Variants in DIP2C observed in about 807,000 individuals in gnomAD.
DIP2C encodes the protein DIP2 acetate--CoA ligase C (putative), also known as disco-interacting protein 2 homolog C.
DIP2C carries 33 observed loss-of-function variants against 192.4 expected under a neutral mutation model. The observed-to-expected ratio is 0.17, with a 90% CI of 0.13 to 0.23. The LOEUF (loss-of-function observed/expected upper bound fraction) is 0.23. Ranked by LOEUF, DIP2C falls within the 10% of genes least tolerant of loss-of-function variation. The pLI is 1.00. For missense variants in DIP2C, 1,537 were observed against 2,110.1 expected (o/e 0.73, Z 5.32); for synonymous variants, 979 against 864.1 (o/e 1.13, Z -2.33).
chr10:324,980 T>C (rs1159333236), intron 31 of DIP2C: 2 of 531,698 alleles, frequency 3.8e-6, no homozygotes, highest in African/African-American at 3.8e-5. Context: ...TTAAAACATT[T>C]TGGGGCTGGG....
chr10:460,422 T>C (rs1050596204), intron 3 of DIP2C, among the ~76,000 whole-genome samples: 5 of 152,202 alleles, frequency 3.3e-5, no homozygotes, highest in South Asian at 2.1e-4. Context: ...AGAGAAGATA[T>C]GTACTATGAT....
intron 17 of DIP2C, among the ~76,000 whole-genome samples, chr10:378,340 AAC>A (rs760992345): frequency 1.3e-5 from 2 of 152,228 alleles, no homozygotes; most frequent in African/African-American, 2.4e-5. Flanking sequence ...CGAAGGTGAA[AAC>A]AGACACACAT....
rs192980741 is a variant in DIP2C, at chr10:364,486, C to T, written c.2365G>A (p.Val789Met). 17 of 1,614,188 alleles carry T rather than the reference C, an allele frequency of 1.1e-5. No individual in the cohort carries two copies. Among genetic ancestry groups the T allele is most frequent in the Middle Eastern group, 1.6e-4 (1 of 6,062 alleles). The change falls in exon 20 of 37, where the codon GTG (valine) becomes ATG (methionine). Residue 789 changes from valine (V) to methionine (M), a missense_variant. By Grantham distance (21) the Val-to-Met change is conservative. This residue lies in a region of DIP2C where 677 missense variants were observed against 989.9 expected (regional missense o/e 0.68). Transcript: ENST00000280886. ...ATGAGGCCATCCATCTTGCCCACCACGAAGACGAGGCCTCCGGGACCCACG... is the reference window on the plus strand; with the variant it reads ...ATGAGGCCATCCATCTTGCCCACCATGAAGACGAGGCCTCCGGGACCCACG... ...GFVGPGGLVF[V>M]VGKMDGLMVV...
chr10:575,977 C>G lies in DIP2C; in HGVS notation c.86-89447G>C, dbSNP rs141142785. On this transcript the variant is annotated intron_variant, in intron 1 of 36. Transcript: ENST00000280886. ...CACATCCCCCACCTCCTTGCAGATG[C>G]TACTCCTGCACGTGGGTGCCAGTCT... Among the ~76,000 whole-genome samples the G allele has an allele frequency of 5.8e-3, 878 of 152,318 alleles. 11 individuals are homozygous for G. Among genetic ancestry groups the G allele is most frequent in the African/African-American group, 0.02 (838 of 41,570 alleles).
At chr10:352,993 C>T (rs1159557176) in intron 24 of DIP2C, among the ~76,000 whole-genome samples, 2 of 152,284 alleles carry the variant, frequency 1.3e-5, no homozygotes, top group East Asian at 3.9e-4. Context: ...CATAAAGCAA[C>T]AACCATTCAC....
rs1332232866 is a variant in DIP2C, at chr10:666,133, G to C, written c.85+23361C>G. ...GTTCGTGGGAAAGAAGGGCTATCTG[G>C]AATAATACGAGTCCGGGTGACATAT... On this transcript the variant is annotated intron_variant, in intron 1 of 36. Coordinates refer to ENST00000280886, the MANE Select transcript of DIP2C (RefSeq NM_014974.3). This position sits in a 1 kb window ranked among gnomAD's most constrained non-coding sequence, Gnocchi z 4.1. 6.6e-6 allele frequency: 1 copy of C among 152,156 alleles called. No homozygotes were observed. The highest frequency in any genetic ancestry group is 2.4e-5 in the African/African-American group (1 of 41,430). 9.4% of individuals were successfully genotyped at this position (152,156 alleles called of 1,614,324 possible).
At chr10:472,992 A>C (rs1970753154) in intron 2 of DIP2C, among the ~76,000 whole-genome samples, 1 of 152,260 alleles carries the variant, frequency 6.6e-6, no homozygotes, top group Non-Finnish European at 1.5e-5. Flanking sequence ...ATCTTAGATA[A>C]TAATTTAACA....
At chr10:671,982 G>C (rs920420358) in intron 1 of DIP2C, among the ~76,000 whole-genome samples, 2 of 142,018 alleles carry the variant, frequency 1.4e-5, no homozygotes, top group Admixed American at 7.0e-5. Context: ...CACACGGAAG[G>C]AGGAAACAGG....
intron 1 of DIP2C, among the ~76,000 whole-genome samples, chr10:512,026 C>T (rs74505763): frequency 0.037 from 5,644 of 152,234 alleles, 145 homozygotes; most frequent in South Asian, 0.061. Context: ...CTCAGGACAC[C>T]GCACACGTTA....
At chr10:572,537 T>A (rs576110088) in intron 1 of DIP2C, among the ~76,000 whole-genome samples, 3 of 152,310 alleles carry the variant, frequency 2.0e-5, no homozygotes, top group African/African-American at 7.2e-5. Context: ...GAGGTTGTAA[T>A]GAGAAAAATA....
intron 2 of DIP2C, among the ~76,000 whole-genome samples, chr10:482,927 G>A (rs937284843): frequency 1.3e-5 from 2 of 152,230 alleles, no homozygotes; most frequent in Non-Finnish European, 2.9e-5. Context: ...TCTTCTCCCT[G>A]AAGATGATCT....
chr10:511,374 G>A (rs1005905697), intron 1 of DIP2C, among the ~76,000 whole-genome samples: 2 of 152,176 alleles, frequency 1.3e-5, no homozygotes, highest in Admixed American at 6.5e-5. Flanking sequence ...GTTCCATGTC[G>A]TTAAAGGAAA....
At chr10:660,333 T>C (rs1856677171) in intron 1 of DIP2C, among the ~76,000 whole-genome samples, 1 of 151,884 alleles carries the variant, frequency 6.6e-6, no homozygotes, top group Non-Finnish European at 1.5e-5. Flanking sequence ...GCTCTGTGTA[T>C]GAAACAGAGA....
intron 18 of DIP2C, among the ~76,000 whole-genome samples, chr10:367,594 A>G (rs1048433937): frequency 1.3e-5 from 2 of 152,136 alleles, no homozygotes; most frequent in African/African-American, 4.8e-5. Context: ...CAAAAATCAC[A>G]TCGGCAGTTC....
intron 1 of DIP2C, among the ~76,000 whole-genome samples, chr10:515,865 T>C (rs776648679): frequency 6.6e-6 from 1 of 152,134 alleles, no homozygotes; most frequent in African/African-American, 2.4e-5. Context: ...CTAAACACTA[T>C]GGTAAACACC....
chr10:311,421 G>C, intron 31 of DIP2C: 2 of 947,638 alleles, frequency 2.1e-6, no homozygotes, highest in Non-Finnish European at 2.7e-6. Flanking sequence ...CACAGGGCCT[G>C]CAGACCCCCG....
chr10:550,998 CGGCTTCCCCGGGCCTCG>C (rs1848556091), intron 1 of DIP2C, among the ~76,000 whole-genome samples: 2 of 151,846 alleles, frequency 1.3e-5, no homozygotes, highest in Non-Finnish European at 2.9e-5. Context: ...ACTGTGCACA[CGGCTTCCCCGGGCCTCG>C]ATTTCCCCCT....
chr10:293,627 A>G (rs1202440842), intron 32 of DIP2C, among the ~76,000 whole-genome samples: 1 of 152,248 alleles, frequency 6.6e-6, no homozygotes, highest in Non-Finnish European at 1.5e-5. Context: ...GCTAAGGTAC[A>G]CAGAGGATGA....
chr10:461,687 T>C (rs1332505665), intron 3 of DIP2C, among the ~76,000 whole-genome samples: 5 of 152,160 alleles, frequency 3.3e-5, no homozygotes, highest in East Asian at 1.9e-4. Flanking sequence ...GCGGACCTAA[T>C]AGACATCTAC....
Sources: allele counts gnomAD v4.1 joint callset (sites outside exome capture counted in the v4.1 genomes callset), GRCh38; gene constraint gnomAD v4.1.1; regional missense constraint gnomAD v4.1.1; non-coding constraint Gnocchi (gnomAD v3.1); transcripts MANE v1.5; gene names NCBI Gene and HGNC (gene_info 2026-07-23, HGNC 2026-07-21).